The following FHIT variants were observed in gnomAD, a reference collection of about 807,000 sequenced individuals.
FHIT encodes fragile histidine triad diadenosine triphosphatase.
In FHIT, 19 loss-of-function variants were observed where a neutral mutation model predicts 17.9. The observed-to-expected ratio is 1.06, with a 90% CI of 0.74 to 1.56. The LOEUF (loss-of-function observed/expected upper bound fraction) is 1.56. Among genes scored for constraint, FHIT ranks in the 40% most tolerant of loss-of-function variants. The probability of loss-of-function intolerance (pLI) is 0.00; values close to 1 mark genes in which losing one functional copy is unlikely to be tolerated. For synonymous variants in FHIT, 81 were observed against 69.7 expected, an observed-to-expected ratio of 1.16 and a Z score of -0.81; for missense variants, 248 against 189.2, an observed-to-expected ratio of 1.31 and a Z score of -1.82.
intron 4 of FHIT, among the ~76,000 whole-genome samples, chr3:60,792,643 C>G (rs1458221524): frequency 6.6e-6 from 1 of 152,134 alleles, no homozygotes; most frequent in Non-Finnish European, 1.5e-5. Context: ...AAATGACATG[C>G]TTTATTTGAC....
At position 60,538,547 on chromosome 3, in the gene FHIT, A is replaced by G. The variant is rs545581355; in HGVS notation, c.-17-1568T>C. On this transcript the variant is annotated intron_variant, in intron 4 of 9. Transcript: ENST00000492590. ...GCTACCTGACTTCAAACTATACTAC[A>G]AGGCTACAGTAACCAAAACAGCATG... 2.2e-4 allele frequency among the ~76,000 whole-genome samples: 34 copies of G among 152,280 alleles called. No homozygotes were observed. In the East Asian group the frequency reaches 3.9e-3, roughly 17 times the overall value.
intron 2 of FHIT, among the ~76,000 whole-genome samples, chr3:61,151,433 G>A (rs969760037): frequency 2.0e-5 from 3 of 151,976 alleles, no homozygotes; most frequent in Non-Finnish European, 2.9e-5. Context: ...TTCAACTAAG[G>A]TTATTTCCCT....
chr3:60,084,483 T>A (rs544096958), intron 5 of FHIT, among the ~76,000 whole-genome samples: 1 of 152,170 alleles, frequency 6.6e-6, no homozygotes, highest in Admixed American at 6.6e-5. Context: ...GTTTAGGATC[T>A]AGGTGGAAAA....
chr3:60,698,058 A>C (rs1181333801), intron 4 of FHIT, among the ~76,000 whole-genome samples: 1 of 152,186 alleles, frequency 6.6e-6, no homozygotes, highest in Non-Finnish European at 1.5e-5. Flanking sequence ...ATTATGGATC[A>C]ATGCTTTAAA....
chr3:61,121,637 A>T (rs1431845631), intron 2 of FHIT, among the ~76,000 whole-genome samples: 2 of 152,224 alleles, frequency 1.3e-5, no homozygotes, highest in African/African-American at 4.8e-5. Flanking sequence ...CTGCAAAAAC[A>T]TACCAAATTG....
chr3:60,112,386 T>C (rs968284553), intron 5 of FHIT, among the ~76,000 whole-genome samples: 21 of 152,206 alleles, frequency 1.4e-4, no homozygotes, highest in Non-Finnish European at 2.6e-4. Context: ...AGAATGCTTA[T>C]CTGTAGCTGT....
At chr3:61,022,364 CCAAA>C (rs1484119177) in intron 3 of FHIT, among the ~76,000 whole-genome samples, 8 of 152,098 alleles carry the variant, frequency 5.3e-5, no homozygotes, top group Non-Finnish European at 1.0e-4. Flanking sequence ...AGCCTACCAA[CCAAA>C]CAAAGCCCAG....
chr3:60,889,289 C>T (rs1335160952), intron 3 of FHIT, among the ~76,000 whole-genome samples: 1 of 152,186 alleles, frequency 6.6e-6, no homozygotes, highest in Non-Finnish European at 1.5e-5. Context: ...CCATGTGCCT[C>T]AGGGATAAGA....
intron 5 of FHIT, among the ~76,000 whole-genome samples, chr3:60,358,307 T>C (rs1273932300): frequency 6.6e-6 from 1 of 152,182 alleles, no homozygotes; most frequent in African/African-American, 2.4e-5. Flanking sequence ...ATACTAGAGA[T>C]GTATTTGGCT....
At chr3:60,336,323 T>C (rs907303637) in intron 5 of FHIT, among the ~76,000 whole-genome samples, 3 of 152,342 alleles carry the variant, frequency 2.0e-5, no homozygotes, top group Non-Finnish European at 2.9e-5. Context: ...AAAGGAAGTC[T>C]CAGACAGGTG....
At chr3:60,203,642 T>C (rs1703021959) in intron 5 of FHIT, among the ~76,000 whole-genome samples, 2 of 152,164 alleles carry the variant, frequency 1.3e-5, no homozygotes, top group African/African-American at 2.4e-5. Context: ...TGTCAGCCCA[T>C]TGGAACTGAT....
Position 61,024,627 on chromosome 3 carries a change from T to C in FHIT, c.-111+17420A>G, listed in dbSNP as rs139851732. 1.1e-3 allele frequency among the ~76,000 whole-genome samples: 160 copies of C among 152,264 alleles called. 2 individuals are homozygous for C. In the East Asian group the frequency reaches 0.019, roughly 18 times the overall value. ...TGTCAAGAAGCTGGTTATGACTAAA[T>C]ATATAAAGATGGAATAGTCTAACAA... On this transcript the variant is annotated intron_variant, in intron 3 of 9. Transcript: ENST00000492590.
chr3:59,913,301 C>G (rs1704973616), intron 8 of FHIT, among the ~76,000 whole-genome samples: 1 of 152,102 alleles, frequency 6.6e-6, no homozygotes, highest in Non-Finnish European at 1.5e-5. Context: ...AAGAAAATCG[C>G]TTTTCTCCCT....
chr3:60,174,155 C>T (rs1037792241), intron 5 of FHIT, among the ~76,000 whole-genome samples: 1 of 151,426 alleles, frequency 6.6e-6, no homozygotes, highest in Non-Finnish European at 1.5e-5. Context: ...CCTGATCCGC[C>T]CGCCTCAGCC....
intron 7 of FHIT, among the ~76,000 whole-genome samples, chr3:59,958,676 G>C (rs1406679107): frequency 2.0e-5 from 3 of 152,176 alleles, no homozygotes; most frequent in African/African-American, 7.2e-5. Context: ...AATGATGTTG[G>C]CTAGGGTTGC....
intron 5 of FHIT, among the ~76,000 whole-genome samples, chr3:60,357,749 G>T (rs1699736186): frequency 6.6e-6 from 1 of 152,064 alleles, no homozygotes; most frequent in African/African-American, 2.4e-5. Flanking sequence ...TTAACATATT[G>T]CAAAGCATAT....
At chr3:60,144,993 G>GA (rs945881285) in intron 5 of FHIT, among the ~76,000 whole-genome samples, 4 of 151,914 alleles carry the variant, frequency 2.6e-5, no homozygotes, top group Admixed American at 6.6e-5. Context: ...TGATTTGGAG[G>GA]AAAAAAACAT....
chr3:60,574,329 T>G (rs1022367101), intron 4 of FHIT, among the ~76,000 whole-genome samples: 7 of 151,936 alleles, frequency 4.6e-5, no homozygotes, highest in Non-Finnish European at 8.8e-5. Flanking sequence ...GCTCACAAAT[T>G]GTCCCCAGCA....
At chr3:60,636,675 G>A (rs782381180) in intron 4 of FHIT, among the ~76,000 whole-genome samples, 1 of 152,116 alleles carries the variant, frequency 6.6e-6, no homozygotes, top group Non-Finnish European at 1.5e-5. Flanking sequence ...GAAAATAACC[G>A]CTCTCACCTC....
Sources: gnomAD v4.1 joint callset for allele counts (sites outside exome capture counted in the v4.1 genomes callset) on GRCh38, gnomAD v4.1.1 for gene constraint, MANE v1.5 for transcripts, NCBI Gene and HGNC (gene_info 2026-07-23, HGNC 2026-07-21) for gene names.